Variants in ELP3 observed in about 807,000 individuals in gnomAD.
ELP3 encodes elongator complex protein 3.
Under a neutral mutation model 74.9 loss-of-function variants are expected in ELP3, and 56 were observed. The ratio of observed to expected loss-of-function variants is 0.75; its 90% CI spans 0.60 to 0.93. ELP3 has a LOEUF of 0.93. Ranked by LOEUF, ELP3 falls within the 40% of genes least tolerant of loss-of-function variation. ELP3 has a pLI of 0.00. For synonymous variants in ELP3, 222 were observed against 239.8 expected, an observed-to-expected ratio of 0.93 and a Z score of 0.68; for missense variants, 573 against 686.5, an observed-to-expected ratio of 0.83 and a Z score of 1.85.
At chr8:28,189,288 C>G (rs894105682) in intron 14 of ELP3, among the ~76,000 whole-genome samples, 8 of 152,240 alleles carry the variant, frequency 5.3e-5, no homozygotes, top group African/African-American at 1.9e-4. Context: ...AGTAAATCCA[C>G]CTCTTCTCCT....
upstream of ELP3, among the ~76,000 whole-genome samples, chr8:28,092,270 G>A (rs113250328): frequency 7.4e-4 from 113 of 152,182 alleles, no homozygotes; most frequent in Non-Finnish European, 6.9e-4. Flanking sequence ...TCGCTCTGTC[G>A]TCTAGGCTGG....
At chr8:28,093,959 A>G (rs1034084631) in intron 1 of ELP3, among the ~76,000 whole-genome samples, 9 of 152,232 alleles carry the variant, frequency 5.9e-5, no homozygotes, top group African/African-American at 1.9e-4. Context: ...CCAAAATTAT[A>G]CTTAGATATG....
chr8:28,152,067 G>C (rs554159659), intron 10 of ELP3, among the ~76,000 whole-genome samples: 1 of 152,190 alleles, frequency 6.6e-6, no homozygotes, highest in East Asian at 1.9e-4. Context: ...GTTAAGCCAC[G>C]ACTTCCACTA....
At chr8:28,185,203 A>C (rs1188246159) in intron 14 of ELP3, among the ~76,000 whole-genome samples, 9 of 152,198 alleles carry the variant, frequency 5.9e-5, no homozygotes, top group Admixed American at 5.9e-4. Flanking sequence ...GATAGAGATA[A>C]TAATATAAGT....
intron 9 of ELP3, among the ~76,000 whole-genome samples, chr8:28,136,740 A>G (rs1813006032): frequency 6.6e-6 from 1 of 152,250 alleles, no homozygotes; most frequent in Non-Finnish European, 1.5e-5. Flanking sequence ...TCCAGTTTAC[A>G]AGATAGAGCC....
chr8:28,101,579 G>A (rs1811488134), intron 3 of ELP3, among the ~76,000 whole-genome samples: 1 of 145,232 alleles, frequency 6.9e-6, no homozygotes, highest in South Asian at 2.2e-4. Flanking sequence ...TAATAGATAA[G>A]TCTTGACTTT....
At chr8:28,158,717 C>G (rs934309208) in intron 12 of ELP3, 84 bp downstream of exon 12, 2 of 1,098,290 alleles carry the variant, frequency 1.8e-6, no homozygotes, top group African/African-American at 1.5e-5. Flanking sequence ...TAACCAAGGA[C>G]AGAGCCCCAG....
chr8:28,184,488 C>G (rs79067851), intron 14 of ELP3, among the ~76,000 whole-genome samples: 133 of 152,258 alleles, frequency 8.7e-4, no homozygotes, highest in Non-Finnish European at 1.6e-3. Context: ...CCTGTAGCTC[C>G]GTGGGAATCA....
chr8:28,107,838 A>T, intron 4 of ELP3, 75 bp from the exon 5 acceptor site: 1 of 1,126,116 alleles, frequency 8.9e-7, no homozygotes, highest in Non-Finnish European at 1.3e-6. Context: ...TTCTTTGGAG[A>T]TGGTAGATGC....
At chr8:28,159,334 A>G (rs998573349) in intron 12 of ELP3, among the ~76,000 whole-genome samples, 3 of 152,150 alleles carry the variant, frequency 2.0e-5, no homozygotes, top group African/African-American at 7.2e-5. Context: ...GTTAATTGAC[A>G]TTTTTCACAT....
chr8:28,126,132 A>G (rs1473860552), intron 7 of ELP3, among the ~76,000 whole-genome samples: 3 of 152,146 alleles, frequency 2.0e-5, no homozygotes, highest in Non-Finnish European at 4.4e-5. Flanking sequence ...AACCACAAAT[A>G]ACAAGGCTGA....
intron 2 of ELP3, 151 bp from the exon 3 acceptor site, chr8:28,099,677 C>T (rs1284238922): frequency 2.3e-6 from 2 of 859,050 alleles, no homozygotes; most frequent in Admixed American, 4.5e-5. Context: ...CTTCTATTTC[C>T]CTGATAGTCA....
chr8:28,100,043 G>T, intron 3 of ELP3, 77 bp downstream of exon 3: 3 of 1,577,392 alleles, frequency 1.9e-6, no homozygotes, highest in South Asian at 2.2e-5. Flanking sequence ...TGTGACGCCC[G>T]TGTAGTGAGG....
Position 28,137,700 on chromosome 8 carries a change from GT to G in ELP3, c.915del (p.Phe305LeufsTer11), listed in dbSNP as rs767727021. The G allele has an allele frequency of 1.2e-6, 2 of 1,612,780 alleles. No individual in the cohort carries two copies. Among genetic ancestry groups the G allele is most frequent in the Non-Finnish European group, 1.7e-6 (2 of 1,179,676 alleles). ...CATTTTCTGTTCTCTATTCACAGGA[GT>G]TTTTTGAGAACCCTGCTTTTCGTCC... Reference protein sequence around the residue: ...LERDIEQFTEFFENPAFRPDG... With the variant: ...LERDIEQFTEXFENPAFRPDG... On this transcript the variant is annotated frameshift_variant, in exon 10 of 15. Coordinates refer to ENST00000256398, the MANE Select transcript of ELP3 (RefSeq NM_018091.6). LOFTEE classifies it high-confidence loss of function.
chr8:28,146,846 T>C (rs1007649632), intron 10 of ELP3, among the ~76,000 whole-genome samples: 1 of 152,214 alleles, frequency 6.6e-6, no homozygotes, highest in Admixed American at 6.5e-5. Context: ...CAAAGACCAT[T>C]GAATCCATGT....
At chr8:28,140,529 C>A (rs533014471) in intron 10 of ELP3, among the ~76,000 whole-genome samples, 1 of 152,244 alleles carries the variant, frequency 6.6e-6, no homozygotes, top group South Asian at 2.1e-4. Flanking sequence ...TGACTCAAAT[C>A]CAATACTGGC....
rs1440598081 is a variant in ELP3, at chr8:28,190,075, C to CTGAT, written c.*353_*356dup. The CTGAT allele has an allele frequency of 7.5e-5, 14 of 187,412 alleles. No homozygotes were observed. The highest frequency in any genetic ancestry group is 5.6e-4 in the South Asian group (4 of 7,146). The allele number at this position is 187,412 out of a possible 1,614,324, so 11.6% of individuals were successfully genotyped here. On this transcript the variant is annotated 3_prime_UTR_variant, in exon 15 of 15. Transcript: ENST00000256398. ...GGACACCATAACTCATGCAATAAAA[C>CTGAT]TGATTGTCATTCGAGGAGCAAACTT...
Position 28,180,557 on chromosome 8 carries a change from GTC to G in ELP3, c.1568-9088_1568-9087del, listed in dbSNP as rs200462197. On this transcript the variant is annotated intron_variant, in intron 14 of 14. Coordinates refer to ENST00000256398, the MANE Select transcript of ELP3 (RefSeq NM_018091.6). ...TGTGTCACGTGATGTCACATCTGGA[GTC>G]TCTGCTGTTTCTTGTCATGTCCTGT... 4.3e-4 allele frequency among the ~76,000 whole-genome samples: 65 copies of G among 152,348 alleles called. 2 individuals are homozygous for G. The East Asian group carries it at 0.01, about 24-fold the overall frequency.
chr8:28,097,458 TTC>T, intron 2 of ELP3, 140 bp downstream of exon 2: 2 of 565,950 alleles, frequency 3.5e-6, no homozygotes. Flanking sequence ...TGTCATTCAT[TTC>T]TTTTTTTTTT....
Sources: gnomAD v4.1 joint callset for allele counts (sites outside exome capture counted in the v4.1 genomes callset) on GRCh38, gnomAD v4.1.1 for gene constraint, MANE v1.5 for transcripts, NCBI Gene and HGNC (gene_info 2026-07-23, HGNC 2026-07-21) for gene names.